SLC1A1: variants seen among roughly 807,000 people sequenced by gnomAD.
SLC1A1 encodes the protein excitatory amino acid transporter 3.
A neutral mutation model predicts 53.3 loss-of-function variants in SLC1A1; 43 were observed. The observed-to-expected ratio is 0.81, with a 90% confidence interval of 0.63 to 1.04. The LOEUF (loss-of-function observed/expected upper bound fraction) is 1.04, where lower values mean the gene tolerates loss of function less well. Ranked by LOEUF, SLC1A1 falls within the 50% of genes least tolerant of loss-of-function variation. The pLI, the probability that SLC1A1 is intolerant of heterozygous loss-of-function variation, is 0.00. For synonymous variants in SLC1A1, 307 were observed against 243.2 expected (o/e 1.26, Z -2.44); for missense variants, 748 against 664.9 (o/e 1.12, Z -1.37).
At chr9:4,495,115 T>C (rs796789668) in intron 1 of SLC1A1, among the ~76,000 whole-genome samples, 63 of 152,332 alleles carry the variant, frequency 4.1e-4, no homozygotes, top group African/African-American at 1.4e-3. Context: ...CTGGAGCTCA[T>C]GTAGCGTGCA....
intron 6 of SLC1A1, among the ~76,000 whole-genome samples, chr9:4,571,358 T>C (rs1820026572): frequency 6.6e-6 from 1 of 152,088 alleles, no homozygotes; most frequent in South Asian, 2.1e-4. Flanking sequence ...GCACCACATG[T>C]ACCCCTGAAT....
chr9:4,501,219 C>T (rs1045421429), intron 1 of SLC1A1, among the ~76,000 whole-genome samples: 5 of 151,424 alleles, frequency 3.3e-5, no homozygotes, highest in African/African-American at 9.8e-5. Flanking sequence ...AGTCTCACTC[C>T]GTCACCCAGG....
chr9:4,525,444 A>G (rs755278938), intron 1 of SLC1A1, among the ~76,000 whole-genome samples: 5 of 152,154 alleles, frequency 3.3e-5, no homozygotes, highest in Non-Finnish European at 7.3e-5. Flanking sequence ...GACTTTCACA[A>G]CTCAGAAAAA....
chr9:4,493,574 G>C (rs896191140), intron 1 of SLC1A1, among the ~76,000 whole-genome samples: 7 of 152,156 alleles, frequency 4.6e-5, no homozygotes, highest in Admixed American at 6.5e-5. Flanking sequence ...TAACTATCAT[G>C]ACAAAACATC....
chr9:4,573,109 C>T (rs1460272216), intron 7 of SLC1A1, among the ~76,000 whole-genome samples: 1 of 152,212 alleles, frequency 6.6e-6, no homozygotes. Context: ...GGCACTAACC[C>T]ATCTGAATGA....
intron 1 of SLC1A1, among the ~76,000 whole-genome samples, chr9:4,528,818 T>C (rs1437014217): frequency 6.6e-6 from 1 of 152,132 alleles, no homozygotes; most frequent in South Asian, 2.1e-4. Flanking sequence ...GATACCCTTA[T>C]CAACACACTT....
intron 1 of SLC1A1, among the ~76,000 whole-genome samples, chr9:4,537,861 C>G (rs1003122410): frequency 6.6e-6 from 1 of 151,780 alleles, no homozygotes; most frequent in Non-Finnish European, 1.5e-5. Flanking sequence ...AGTTGTACAA[C>G]ATTGTATGTT....
chr9:4,516,970 C>A (rs1256117478), intron 1 of SLC1A1, among the ~76,000 whole-genome samples: 1 of 152,206 alleles, frequency 6.6e-6, no homozygotes, highest in Non-Finnish European at 1.5e-5. Context: ...ATGGAAGAAA[C>A]AGAACTTTGG....
chr9:4,523,570 A>C (rs1305407641), intron 1 of SLC1A1, among the ~76,000 whole-genome samples: 1 of 152,234 alleles, frequency 6.6e-6, no homozygotes, highest in Non-Finnish European at 1.5e-5. Context: ...CATACCAAAA[A>C]TATTTAACAT....
intron 8 of SLC1A1, among the ~76,000 whole-genome samples, chr9:4,574,303 C>T (rs999709737): frequency 1.1e-4 from 16 of 152,226 alleles, no homozygotes; most frequent in East Asian, 1.9e-4. Context: ...GAAACCCACT[C>T]GTAGCCTCCC....
At position 4,549,864 on chromosome 9, in the gene SLC1A1, C is replaced by A. The variant is rs369488952; in HGVS notation, c.232+5157C>A. Among the ~76,000 whole-genome samples the A allele has an allele frequency of 6.6e-6, 1 of 152,296 alleles. No homozygotes were observed. The highest frequency in any genetic ancestry group is 6.5e-5 in the Admixed American group (1 of 15,294). ...CAGGTCAGGCTGGGCCAAGTCCATG[C>A]CAGTTCCTGTGCACATTTCTTCCTC... On this transcript the variant is annotated intron_variant, in intron 2 of 11. Coordinates refer to ENST00000262352, the MANE Select transcript of SLC1A1 (RefSeq NM_004170.6). This position sits in a 1 kb window ranked among gnomAD's most constrained non-coding sequence, Gnocchi z 4.1.
In SLC1A1 at chr9:4,549,466, C is replaced by G. The variant is rs891217116; in HGVS notation, c.232+4759C>G. Among the ~76,000 whole-genome samples, 1 of 152,182 alleles carries G rather than the reference C, an allele frequency of 6.6e-6. No individual in the cohort carries two copies. Among genetic ancestry groups the G allele is most frequent in the Non-Finnish European group, 1.5e-5 (1 of 68,032 alleles). ...CAGATGAAACACCAATGGTGACATC[C>G]AACTGCTCCCTGAAGGGGCTCCCAG... On this transcript the variant is annotated intron_variant, in intron 2 of 11. Coordinates refer to ENST00000262352, the MANE Select transcript of SLC1A1 (RefSeq NM_004170.6). This position sits in a 1 kb window ranked among gnomAD's most constrained non-coding sequence, Gnocchi z 4.1.
intron 10 of SLC1A1, among the ~76,000 whole-genome samples, chr9:4,582,512 C>T (rs1297582114): frequency 6.6e-6 from 1 of 152,214 alleles, no homozygotes. Context: ...TGCCCTTGCC[C>T]ATCTGCCCCT....
intron 1 of SLC1A1, among the ~76,000 whole-genome samples, chr9:4,531,736 C>G (rs899176322): frequency 2.6e-5 from 4 of 152,192 alleles, no homozygotes; most frequent in African/African-American, 9.6e-5. Context: ...AGCTGGACAT[C>G]TGAGAACAGG....
chr9:4,526,334 T>C (rs548958052), intron 1 of SLC1A1, among the ~76,000 whole-genome samples: 1 of 149,850 alleles, frequency 6.7e-6, no homozygotes, highest in East Asian at 1.9e-4. Flanking sequence ...GATCTACTTG[T>C]ATTAATATTA....
At chr9:4,564,043 G>C (rs1334205345) in intron 3 of SLC1A1, among the ~76,000 whole-genome samples, 1 of 152,154 alleles carries the variant, frequency 6.6e-6, no homozygotes, top group Non-Finnish European at 1.5e-5. Flanking sequence ...CTCATCAGCA[G>C]GTGTTTCCAG....
chr9:4,549,403 C>T lies in SLC1A1; in HGVS notation c.232+4696C>T, dbSNP rs1177328488. Among the ~76,000 whole-genome samples, 1 of 152,176 alleles carries T rather than the reference C, an allele frequency of 6.6e-6. No homozygotes were observed. Among genetic ancestry groups the T allele is most frequent in the African/African-American group, 2.4e-5 (1 of 41,420 alleles). ...CCAAAGTGCAGCTGAGACCACACTT[C>T]TACTCAGGACATAATCTTTGCTAAA... On this transcript the variant is annotated intron_variant, in intron 2 of 11. Transcript: ENST00000262352. The surrounding 1 kb of genome is among the most constrained non-coding windows in gnomAD (Gnocchi z 4.1).
intron 1 of SLC1A1, among the ~76,000 whole-genome samples, chr9:4,501,336 C>T (rs75789335): frequency 6.6e-6 from 1 of 151,282 alleles, no homozygotes; most frequent in Non-Finnish European, 1.5e-5. Context: ...CATGTTGAAG[C>T]AATAGCAGAC....
At chr9:4,497,135 AT>A (rs34455753) in intron 1 of SLC1A1, among the ~76,000 whole-genome samples, 98,377 of 151,568 alleles carry the variant, frequency 0.65, 33,897 homozygotes, top group East Asian at 0.77. Context: ...AAAAACAGAA[AT>A]TTTTTTTTGA....
Sources: gnomAD v4.1 joint callset for allele counts (sites outside exome capture counted in the v4.1 genomes callset) on GRCh38, gnomAD v4.1.1 for gene constraint, Gnocchi (gnomAD v3.1) non-coding constraint, MANE v1.5 for transcripts, NCBI Gene and HGNC (gene_info 2026-07-23, HGNC 2026-07-21) for gene names.